EYS: variants seen among roughly 807,000 people sequenced by gnomAD.
EYS encodes the protein EGF-like photoreceptor maintenance factor.
EYS carries 250 observed loss-of-function variants against 282.1 expected under a neutral mutation model. The ratio of observed to expected loss-of-function variants is 0.89; its 90% CI spans 0.80 to 0.98. EYS has a LOEUF of 0.98. Among genes scored for constraint, EYS ranks in the 50% least tolerant of loss-of-function variants. The pLI is 0.00. For missense variants in EYS, 4,016 were observed against 3,709.0 expected (o/e 1.08, Z -2.15); for synonymous variants, 1,355 against 1,282.9 (o/e 1.06, Z -1.20).
chr6:65,317,825 C>CCTTTCTTTCTTTCTTTCTTTCTTT (rs201156936), intron 11 of EYS, among the ~76,000 whole-genome samples: 22 of 81,280 alleles, frequency 2.7e-4, no homozygotes, highest in South Asian at 4.7e-4. Flanking sequence ...TTCCTTCCTT[C>CCTTTCTTTCTTTCTTTCTTTCTTT]CTTTCTTTCT....
rs1158641728 is a variant in EYS at position 64,590,228 on chromosome 6, A to G, written c.5639T>C (p.Ile1880Thr). Residue 1880 changes from isoleucine (I) to threonine (T), a missense_variant, in exon 26 of 43, where the codon ATT becomes ACT. Coordinates refer to ENST00000503581, the MANE Select transcript of EYS (RefSeq NM_001142800.2). ...ACAGAAACTGAGAAACTCACCAGAA[A>G]TCATCAGCCGTTGAGGTGCCAGAAT... ...ESILAPQRLM[I>T]SDFSCVRYYG... is the part of the protein sequence containing the mutation. The G allele has an allele frequency of 6.5e-7, 1 of 1,534,084 alleles. No homozygotes were observed. Among genetic ancestry groups the G allele is most frequent in the Non-Finnish European group, 8.8e-7 (1 of 1,139,934 alleles).
intron 12 of EYS, among the ~76,000 whole-genome samples, chr6:65,077,864 A>C (rs1274249857): frequency 6.6e-6 from 1 of 152,146 alleles, no homozygotes; most frequent in Non-Finnish European, 1.5e-5. Context: ...ATTAAAAATT[A>C]CTTTGAGATA....
rs146554573 is a variant in EYS at position 63,842,073 on chromosome 6, G to A, written c.7228+22113C>T. Among the ~76,000 whole-genome samples the A allele has an allele frequency of 3.4e-3, 517 of 152,074 alleles. 3 individuals carry two copies. Among genetic ancestry groups the A allele is most frequent in the Non-Finnish European group, 5.4e-3 (370 of 67,970 alleles). ...AATAGTGCTGAAACAGTAAACATAC[G>A]TGTGCATGTGTCTTTATAGTAGAAT... On this transcript the variant is annotated intron_variant, in intron 36 of 42. Coordinates refer to ENST00000503581, the MANE Select transcript of EYS (RefSeq NM_001142800.2).
intron 12 of EYS, among the ~76,000 whole-genome samples, chr6:65,260,318 G>A (rs769386701): frequency 3.9e-5 from 6 of 152,126 alleles, no homozygotes; most frequent in Middle Eastern, 3.4e-3. Flanking sequence ...GATTTGTGTG[G>A]GGAGACAAAG....
intron 35 of EYS, among the ~76,000 whole-genome samples, chr6:63,915,830 T>A (rs773297419): frequency 1.3e-5 from 2 of 152,188 alleles, no homozygotes; most frequent in Non-Finnish European, 2.9e-5. Context: ...CCTGAAGATG[T>A]GACTGAATTG....
intron 12 of EYS, among the ~76,000 whole-genome samples, chr6:65,158,960 T>C (rs968413819): frequency 1.3e-5 from 2 of 150,908 alleles, no homozygotes; most frequent in Non-Finnish European, 1.5e-5. Context: ...AACAAACTTT[T>C]AGCATTGCAC....
At chr6:65,336,138 A>C (rs998479817) in intron 10 of EYS, among the ~76,000 whole-genome samples, 4 of 151,618 alleles carry the variant, frequency 2.6e-5, no homozygotes, top group Non-Finnish European at 5.9e-5. Flanking sequence ...TGACAATTAA[A>C]CCTCTTTTCT....
chr6:65,186,510 T>A (rs940053963), intron 12 of EYS, among the ~76,000 whole-genome samples: 1 of 151,700 alleles, frequency 6.6e-6, no homozygotes, highest in East Asian at 1.9e-4. Flanking sequence ...TACAGTTCCT[T>A]ACCTTGGGGA....
At chr6:65,642,050 A>G (rs1264785522) in intron 1 of EYS, among the ~76,000 whole-genome samples, 1 of 152,166 alleles carries the variant, frequency 6.6e-6, no homozygotes, top group African/African-American at 2.4e-5. Flanking sequence ...TAAAAAATAG[A>G]TTTGCTTATT....
chr6:64,000,526 G>T (rs1343695896), intron 33 of EYS, among the ~76,000 whole-genome samples: 4 of 151,698 alleles, frequency 2.6e-5, no homozygotes, highest in Admixed American at 1.3e-4. Flanking sequence ...AACCAGAGAA[G>T]TTCCTGGAAG....
At chr6:65,462,461 C>T (rs2150410526) in intron 5 of EYS, among the ~76,000 whole-genome samples, 1 of 152,020 alleles carries the variant, frequency 6.6e-6, no homozygotes, top group South Asian at 2.1e-4. Context: ...GGGTATGCTC[C>T]TTTAAAAAGT....
At chr6:64,290,680 G>A (rs562965199) in intron 30 of EYS, among the ~76,000 whole-genome samples, 1 of 152,006 alleles carries the variant, frequency 6.6e-6, no homozygotes, top group South Asian at 2.1e-4. Flanking sequence ...CTTCCAGAAC[G>A]AAGGTGAGGG....
intron 2 of EYS, among the ~76,000 whole-genome samples, chr6:65,574,249 C>A (rs1432504954): frequency 6.6e-6 from 1 of 152,124 alleles, no homozygotes; most frequent in Non-Finnish European, 1.5e-5. Context: ...CTAGCTACAA[C>A]AAATATCTAG....
chr6:64,496,537 A>G lies in EYS; in HGVS notation c.5645-57185T>C, dbSNP rs141486119. Among the ~76,000 whole-genome samples, 417 of 152,140 alleles carry G rather than the reference A, an allele frequency of 2.7e-3. 2 individuals carry two copies. The highest frequency in any genetic ancestry group is 9.4e-3 in the African/African-American group (390 of 41,546). ...TATTGTCATTGTCTCATTCTATTAT[A>G]TAAGCAGATATTAATTCTAAGTATA... On this transcript the variant is annotated intron_variant, in intron 26 of 42. Transcript: ENST00000503581.
intron 26 of EYS, among the ~76,000 whole-genome samples, chr6:64,456,506 T>C (rs552528443): frequency 6.6e-6 from 1 of 151,996 alleles, no homozygotes; most frequent in Non-Finnish European, 1.5e-5. Flanking sequence ...TCCTTGAATC[T>C]TTCAGTTTTT....
At chr6:63,990,831 G>T (rs749992003) in intron 34 of EYS, among the ~76,000 whole-genome samples, 1 of 151,644 alleles carries the variant, frequency 6.6e-6, no homozygotes, top group African/African-American at 2.4e-5. Context: ...GTTTTGGGAG[G>T]CTTACTTCTG....
rs561959853 is a variant in EYS at position 63,748,160 on chromosome 6, C to T, written c.8071+14301G>A. 1.7e-4 allele frequency among the ~76,000 whole-genome samples: 26 copies of T among 152,262 alleles called. 1 individual carries two copies. In the South Asian group the frequency reaches 5.4e-3, roughly 32 times the overall value. ...GGCAGGCCTGGTGGTGACACAATCTCTCAGCATGATACTGGACAAAAGTCA... is the reference window on the plus strand; with the variant it reads ...GGCAGGCCTGGTGGTGACACAATCTTTCAGCATGATACTGGACAAAAGTCA... On this transcript the variant is annotated intron_variant, in intron 41 of 42. Coordinates refer to ENST00000503581, the MANE Select transcript of EYS (RefSeq NM_001142800.2).
At chr6:64,270,231 T>C (rs1562280608) in intron 30 of EYS, among the ~76,000 whole-genome samples, 1 of 152,174 alleles carries the variant, frequency 6.6e-6, no homozygotes, top group Non-Finnish European at 1.5e-5. Flanking sequence ...TATCTACTTC[T>C]CATTTTAGTG....
intron 22 of EYS, among the ~76,000 whole-genome samples, chr6:64,688,733 A>C (rs1210386898): frequency 1.3e-5 from 2 of 152,168 alleles, no homozygotes; most frequent in Admixed American, 1.3e-4. Context: ...GGAGATGTCT[A>C]TTAGGTCCGC....
Sources: allele counts gnomAD v4.1 joint callset (sites outside exome capture counted in the v4.1 genomes callset), GRCh38; gene constraint gnomAD v4.1.1; transcripts MANE v1.5; gene names NCBI Gene and HGNC (gene_info 2026-07-23, HGNC 2026-07-21).